The following BCR variants were observed in gnomAD, a reference collection of about 807,000 sequenced individuals.
BCR encodes breakpoint cluster region protein.
In BCR, 58 loss-of-function variants were observed where a neutral mutation model predicts 138.6. That is an observed-to-expected ratio of 0.42 (90% CI 0.34 to 0.52). BCR has a LOEUF of 0.52. Among genes scored for constraint, BCR ranks in the 20% least tolerant of loss-of-function variants. The pLI is 0.06. For synonymous variants in BCR, 786 were observed against 730.1 expected (o/e 1.08, Z -1.23); for missense variants, 1,599 against 1,727.2 (o/e 0.93, Z 1.32).
chr22:23,252,729 C>G, intron 1 of BCR, among the ~76,000 whole-genome samples: 1 of 152,292 alleles, frequency 6.6e-6, no homozygotes, highest in Non-Finnish European at 1.5e-5. Flanking sequence ...CTGTGCCCAG[C>G]CAGGGTCCCC....
intron 1 of BCR, among the ~76,000 whole-genome samples, chr22:23,200,175 C>T (rs1413535888): frequency 3.3e-5 from 5 of 152,070 alleles, no homozygotes; most frequent in Admixed American, 6.6e-5. Context: ...GGACTTCCTC[C>T]TAGGGAACAT....
chr22:23,314,882 G>A (rs1298327853), intron 22 of BCR, among the ~76,000 whole-genome samples, 168 bp downstream of exon 22: 1 of 152,230 alleles, frequency 6.6e-6, no homozygotes, highest in South Asian at 2.1e-4. Flanking sequence ...GATAGTGGGG[G>A]CCCAGGCCAC....
rs908203851 is a variant in BCR at position 23,253,663 on chromosome 22, A to G, written c.1280-136A>G. 1.1e-4 allele frequency: 104 copies of G among 941,102 alleles called. 1 individual carries two copies. In the South Asian group the frequency reaches 1.6e-3, roughly 14 times the overall value. 58.3% of individuals were successfully genotyped at this position (941,102 alleles called of 1,614,324 possible). On this transcript the variant is annotated intron_variant, in intron 1 of 22. Coordinates refer to ENST00000305877, the MANE Select transcript of BCR (RefSeq NM_004327.4). Reference sequence around the variant, plus strand: ...CTTTGACCAGTCAGTTGTGAAGGGGACGTCAGCATACCCGAGGTCGTTGTG... The same window carrying G: ...CTTTGACCAGTCAGTTGTGAAGGGGGCGTCAGCATACCCGAGGTCGTTGTG...
chr22:23,272,000 A>G (rs1249889894), intron 6 of BCR, among the ~76,000 whole-genome samples: 1 of 151,878 alleles, frequency 6.6e-6, no homozygotes, highest in Admixed American at 6.6e-5. Flanking sequence ...TAATTTTTGT[A>G]TTTTTAATAG....
At chr22:23,212,593 C>G (rs1442258912) in intron 1 of BCR, among the ~76,000 whole-genome samples, 1 of 152,244 alleles carries the variant, frequency 6.6e-6, no homozygotes, top group Non-Finnish European at 1.5e-5. Context: ...GGGCCGCCAG[C>G]ATCTCCAGCA....
At chr22:23,224,970 G>T (rs2072871582) in intron 1 of BCR, among the ~76,000 whole-genome samples, 1 of 151,932 alleles carries the variant, frequency 6.6e-6, no homozygotes, top group Non-Finnish European at 1.5e-5. Flanking sequence ...GATGTCTCTG[G>T]TCGTCTTGGC....
chr22:23,315,180 A>T (rs2074055346), intron 22 of BCR, among the ~76,000 whole-genome samples: 1 of 152,078 alleles, frequency 6.6e-6, no homozygotes, highest in East Asian at 1.9e-4. Flanking sequence ...TCCATGATGG[A>T]GCCACTGTAC....
chr22:23,269,819 G>T (rs2073489208), intron 5 of BCR, among the ~76,000 whole-genome samples: 1 of 152,216 alleles, frequency 6.6e-6, no homozygotes, highest in Admixed American at 6.5e-5. Context: ...GATCTTTTAA[G>T]AACAGGTTAC....
In BCR at chr22:23,273,723, C is replaced by T. The variant is rs1344635737; in HGVS notation, c.2064C>T (p.Ile688=). 4.3e-6 allele frequency: 7 copies of T among 1,614,174 alleles called. No individual in the cohort carries two copies. Among genetic ancestry groups the T allele is most frequent in the East Asian group, 2.2e-5 (1 of 44,884 alleles). ...TCTCACAGAACTTCCTGTCCAGCATCAATGAGGAGATCACACCCCGACGGC... is the reference window on the plus strand; with the variant it reads ...TCTCACAGAACTTCCTGTCCAGCATTAATGAGGAGATCACACCCCGACGGC... ...LRISQNFLSS[I]NEEITPRRQS... is the part of the protein sequence containing the mutation. Residue 688 remains isoleucine (I), a synonymous_variant, in exon 8 of 23, where the codon ATC becomes ATT. Coordinates refer to ENST00000305877, the MANE Select transcript of BCR (RefSeq NM_004327.4).
chr22:23,314,047 C>A lies in BCR; in HGVS notation c.3537C>A (p.Phe1179Leu), dbSNP rs781765958. Residue 1179 changes from phenylalanine (F) to leucine (L), a missense_variant, in exon 21 of 23, where the codon TTC (phenylalanine) becomes TTA (leucine). This residue lies in a region of BCR where 177 missense variants were observed against 226.4 expected (regional missense o/e 0.78). Transcript: ENST00000305877. The stretch of plus-strand genomic sequence containing the variant: ...TGCCGGAGGCCAACCTGCTCACCTT[C>A]CTTTTCCTTCTGGACCACCTGAAAA... ...LSLPEANLLT[F>L]LFLLDHLKRV... is the part of the protein sequence containing the mutation. 3.1e-6 allele frequency: 5 copies of A among 1,613,752 alleles called. No homozygotes were observed. Among genetic ancestry groups the A allele is most frequent in the Non-Finnish European group, 4.2e-6 (5 of 1,179,994 alleles).
intron 16 of BCR, among the ~76,000 whole-genome samples, chr22:23,302,142 A>G (rs2073908596): frequency 6.6e-6 from 1 of 152,102 alleles, no homozygotes. Flanking sequence ...GGACCTGGCA[A>G]GTCATCCAGG....
chr22:23,237,294 T>C (rs1016608509), intron 1 of BCR, among the ~76,000 whole-genome samples: 12 of 152,166 alleles, frequency 7.9e-5, no homozygotes, highest in African/African-American at 2.9e-4. Context: ...GCTGTGCTCA[T>C]GGAGGCAGGC....
At chr22:23,305,446 C>T (rs1024467574) in intron 16 of BCR, among the ~76,000 whole-genome samples, 1 of 152,182 alleles carries the variant, frequency 6.6e-6, no homozygotes, top group Non-Finnish European at 1.5e-5. Flanking sequence ...AGAGGATGTC[C>T]TCCGGCTGCC....
chr22:23,306,226 C>A (rs1305378386), intron 16 of BCR: 1 of 152,166 alleles, frequency 6.6e-6, no homozygotes, highest in East Asian at 1.9e-4. Flanking sequence ...CGATAAAGAG[C>A]CCTCCTGGCA....
At chr22:23,247,323 C>G (rs1294183649) in intron 1 of BCR, among the ~76,000 whole-genome samples, 1 of 152,210 alleles carries the variant, frequency 6.6e-6, no homozygotes, top group East Asian at 1.9e-4. Flanking sequence ...TAAATACTGC[C>G]TAGTCTTTGG....
chr22:23,254,195 G>A (rs931134718), intron 2 of BCR, among the ~76,000 whole-genome samples: 5 of 152,104 alleles, frequency 3.3e-5, no homozygotes, highest in Admixed American at 3.3e-4. Flanking sequence ...TTTGAACTGA[G>A]CGTGGAGGAG....
intron 1 of BCR, among the ~76,000 whole-genome samples, chr22:23,221,274 C>T (rs550322841): frequency 2.0e-5 from 3 of 152,312 alleles, no homozygotes; most frequent in Admixed American, 2.0e-4. Flanking sequence ...GAGGTTGAGA[C>T]TCCCTAGGGA....
At chr22:23,272,579 C>T (rs1226915531) in intron 6 of BCR, among the ~76,000 whole-genome samples, 3 of 152,118 alleles carry the variant, frequency 2.0e-5, no homozygotes, top group Admixed American at 6.5e-5. Context: ...CGGGTGTCCT[C>T]GGGCAGGTCG....
Position 23,182,094 on chromosome 22 carries a change from C to G in BCR, c.1134C>G (p.Phe378Leu). Residue 378 changes from phenylalanine to leucine, a missense_variant, in exon 1 of 23, where the codon TTC becomes TTG. Physicochemically the swap from Phe to Leu is conservative, Grantham distance 22. Around this residue, in one of 4 missense-constraint regions of BCR, gnomAD observed 806 missense variants for 635.0 expected, o/e 1.27. Transcript: ENST00000305877. The part of the protein sequence containing the change: ...RSPSQNSQQS[F>L]DSSSPPTPQC... ...CCTCGCAGAACTCGCAACAGTCCTT[C>G]GACAGCAGCAGTCCCCCCACGCCGC... The G allele has an allele frequency of 6.2e-7, 1 of 1,613,148 alleles. No individual in the cohort carries two copies.
Sources: gnomAD v4.1 joint callset for allele counts (sites outside exome capture counted in the v4.1 genomes callset) on GRCh38, gnomAD v4.1.1 for gene constraint, gnomAD v4.1.1 regional missense constraint, MANE v1.5 for transcripts, NCBI Gene and HGNC (gene_info 2026-07-23, HGNC 2026-07-21) for gene names.